Variants in AP3B1 observed in about 807,000 individuals in gnomAD.
The protein encoded by AP3B1 is AP-3 complex subunit beta-1.
A neutral mutation model predicts 132.5 loss-of-function variants in AP3B1; 61 were observed. The ratio of observed to expected loss-of-function variants is 0.46; its 90% CI spans 0.37 to 0.57. The LOEUF (loss-of-function observed/expected upper bound fraction) is 0.57. AP3B1 is among the 20% of genes least tolerant of loss of function. The probability of loss-of-function intolerance (pLI) is 0.00; values close to 1 mark genes in which losing one functional copy is unlikely to be tolerated. For synonymous variants in AP3B1, 388 were observed against 438.3 expected, an observed-to-expected ratio of 0.89 and a Z score of 1.43; for missense variants, 1,120 against 1,289.4, an observed-to-expected ratio of 0.87 and a Z score of 2.01.
chr5:78,114,657 C>A (rs1751745519), intron 18 of AP3B1, among the ~76,000 whole-genome samples: 1 of 151,982 alleles, frequency 6.6e-6, no homozygotes, highest in South Asian at 2.1e-4. Context: ...GAGTTGTGTC[C>A]CAGACAAAAG....
At chr5:78,105,127 A>C (rs973034901) in intron 20 of AP3B1, among the ~76,000 whole-genome samples, 2 of 152,170 alleles carry the variant, frequency 1.3e-5, no homozygotes, top group South Asian at 4.1e-4. Context: ...AAAATACATA[A>C]AATTTACTCA....
intron 22 of AP3B1, among the ~76,000 whole-genome samples, chr5:78,063,488 G>A (rs1357074662): frequency 6.6e-6 from 1 of 152,132 alleles, no homozygotes; most frequent in African/African-American, 2.4e-5. Flanking sequence ...CAGTTTTTGA[G>A]GAACAATTTC....
rs369459422 is a variant in AP3B1 at position 78,020,787 on chromosome 5, G to T, written c.2897C>A (p.Thr966Asn). The T allele has an allele frequency of 6.2e-7, 1 of 1,609,390 alleles. No individual in the cohort carries two copies. The highest frequency in any genetic ancestry group is 1.7e-5 in the Admixed American group (1 of 59,898). The change falls in exon 25 of 27, where the codon ACC becomes AAC. Residue 966 changes from threonine to asparagine, a missense_variant and splice_region_variant. By Grantham distance (65) the Thr-to-Asn change is moderately conservative. Transcript: ENST00000255194. The part of the protein sequence containing the change: ...STQTASFQLC[T>N]KDDCFNVNIQ... ...ATTAACATTGAAGCAATCATCCTTG[G>T]TACTGAAGAAAAACAATCAAAGCTG...
At chr5:78,090,937 C>T (rs1561398921) in intron 21 of AP3B1, among the ~76,000 whole-genome samples, 2 of 148,782 alleles carry the variant, frequency 1.3e-5, no homozygotes, top group African/African-American at 4.9e-5. Context: ...CATACCCAGC[C>T]TTTTTTTTTT....
chr5:78,030,374 T>G (rs1217123136), intron 24 of AP3B1, among the ~76,000 whole-genome samples: 2 of 152,336 alleles, frequency 1.3e-5, no homozygotes, highest in Admixed American at 1.3e-4. Flanking sequence ...GATGTGCAGG[T>G]GGTAAACTGA....
chr5:78,259,943 C>G (rs923885564), intron 2 of AP3B1, among the ~76,000 whole-genome samples: 2 of 151,422 alleles, frequency 1.3e-5, no homozygotes, highest in African/African-American at 4.9e-5. Flanking sequence ...GCACTCCAGC[C>G]TGGGCAACAG....
At chr5:78,160,407 C>T (rs1005259450) in intron 13 of AP3B1, among the ~76,000 whole-genome samples, 1 of 152,044 alleles carries the variant, frequency 6.6e-6, no homozygotes, top group Non-Finnish European at 1.5e-5. Flanking sequence ...ATTTCTCTTA[C>T]TAAAGGTCTA....
At chr5:78,028,825 C>G (rs1747448772) in intron 24 of AP3B1, among the ~76,000 whole-genome samples, 1 of 152,010 alleles carries the variant, frequency 6.6e-6, no homozygotes, top group Non-Finnish European at 1.5e-5. Context: ...CGTTTTTATT[C>G]CTAATTTATA....
chr5:78,123,331 GC>G (rs1173594661), intron 17 of AP3B1, among the ~76,000 whole-genome samples: 1 of 152,172 alleles, frequency 6.6e-6, no homozygotes, highest in Admixed American at 6.5e-5. Flanking sequence ...GGTAACAAAA[GC>G]CAAAATTGAC....
intron 22 of AP3B1, among the ~76,000 whole-genome samples, chr5:78,072,216 T>C (rs1056431254): frequency 6.6e-6 from 1 of 152,252 alleles, no homozygotes; most frequent in East Asian, 1.9e-4. Flanking sequence ...TTCTGAATTA[T>C]TGAAAAGCAA....
intron 22 of AP3B1, among the ~76,000 whole-genome samples, chr5:78,053,385 G>C (rs529485041): frequency 6.6e-6 from 1 of 151,866 alleles, no homozygotes; most frequent in Admixed American, 6.6e-5. Flanking sequence ...GAAAATATAA[G>C]AAAAGTCAAG....
At chr5:78,152,179 G>A (rs1352763821) in intron 14 of AP3B1, among the ~76,000 whole-genome samples, 1 of 141,454 alleles carries the variant, frequency 7.1e-6, no homozygotes, top group Non-Finnish European at 1.5e-5. Flanking sequence ...TCGGTATCAG[G>A]GTAACAATGA....
intron 22 of AP3B1, among the ~76,000 whole-genome samples, chr5:78,085,680 T>C (rs1267855022): frequency 6.6e-6 from 1 of 152,158 alleles, no homozygotes; most frequent in East Asian, 1.9e-4. Flanking sequence ...TTATAAAACA[T>C]TTAAACATTA....
chr5:78,062,417 A>G (rs1463057249), intron 22 of AP3B1, among the ~76,000 whole-genome samples: 1 of 152,218 alleles, frequency 6.6e-6, no homozygotes, highest in Non-Finnish European at 1.5e-5. Flanking sequence ...AATTAAAATT[A>G]AAAAGTAAAA....
At chr5:78,065,501 G>A (rs1749250963) in intron 22 of AP3B1, among the ~76,000 whole-genome samples, 1 of 152,156 alleles carries the variant, frequency 6.6e-6, no homozygotes, top group South Asian at 2.1e-4. Flanking sequence ...GGGCGGTTTG[G>A]ACCCCGGAGG....
intron 1 of AP3B1, among the ~76,000 whole-genome samples, chr5:78,268,403 A>C (rs1291826011): frequency 6.6e-6 from 1 of 152,206 alleles, no homozygotes; most frequent in Non-Finnish European, 1.5e-5. Context: ...AAGTTAGGTA[A>C]GAAAAAAAAA....
At chr5:78,169,098 C>T (rs1343582924) in intron 11 of AP3B1, among the ~76,000 whole-genome samples, 2 of 152,112 alleles carry the variant, frequency 1.3e-5, no homozygotes, top group African/African-American at 4.8e-5. Context: ...TGTATGGGCA[C>T]ATTTCTAGGC....
chr5:78,267,217 T>A (rs1251377264), intron 2 of AP3B1, among the ~76,000 whole-genome samples: 1 of 152,096 alleles, frequency 6.6e-6, no homozygotes, highest in Admixed American at 6.5e-5. Context: ...ATAGCTTGTA[T>A]ATCATCTTAT....
At chr5:78,049,003 T>C (rs1025860579) in intron 22 of AP3B1, among the ~76,000 whole-genome samples, 7 of 152,196 alleles carry the variant, frequency 4.6e-5, no homozygotes, top group African/African-American at 1.7e-4. Flanking sequence ...GACTGAACCA[T>C]ATGTATCTGC....
Sources: gnomAD v4.1 joint callset for allele counts (sites outside exome capture counted in the v4.1 genomes callset) on GRCh38, gnomAD v4.1.1 for gene constraint, MANE v1.5 for transcripts, NCBI Gene and HGNC (gene_info 2026-07-23, HGNC 2026-07-21) for gene names.